BMPER: variants seen among roughly 807,000 people sequenced by gnomAD.
BMPER encodes BMP-binding endothelial regulator protein.
In BMPER, 45 loss-of-function variants were observed where a neutral mutation model predicts 87.3. The observed-to-expected ratio is 0.52, with a 90% CI of 0.41 to 0.66. The LOEUF (loss-of-function observed/expected upper bound fraction) is 0.66. Among genes scored for constraint, BMPER ranks in the 30% least tolerant of loss-of-function variants. BMPER has a pLI of 0.00. For missense variants in BMPER, 784 were observed against 867.5 expected (o/e 0.90, Z 1.21); for synonymous variants, 326 against 316.2 (o/e 1.03, Z -0.33).
At chr7:34,078,165 G>T (rs888141576) in intron 11 of BMPER, among the ~76,000 whole-genome samples, 5 of 152,164 alleles carry the variant, frequency 3.3e-5, no homozygotes, top group Non-Finnish European at 4.4e-5. Flanking sequence ...TTACTGGAAT[G>T]TCTTAACTGT....
intron 12 of BMPER, among the ~76,000 whole-genome samples, chr7:34,084,055 G>T (rs550249198): frequency 6.6e-6 from 1 of 150,732 alleles, no homozygotes; most frequent in Non-Finnish European, 1.5e-5. Flanking sequence ...TGTAATCCCA[G>T]TGTTTCGGGA....
chr7:34,031,995 A>ATATGTG (rs1554307622), intron 6 of BMPER, among the ~76,000 whole-genome samples: 3 of 140,346 alleles, frequency 2.1e-5, no homozygotes, highest in African/African-American at 8.0e-5. Context: ...ATAAATATAT[A>ATATGTG]TGTGTGTGTG....
chr7:34,110,398 C>G (rs190617223), intron 13 of BMPER, among the ~76,000 whole-genome samples: 2 of 152,118 alleles, frequency 1.3e-5, no homozygotes, highest in South Asian at 2.1e-4. Context: ...CACAGGTTAG[C>G]GTTTGCTTCC....
chr7:33,936,649 G>GA (rs1429163053), intron 2 of BMPER, among the ~76,000 whole-genome samples: 1 of 152,102 alleles, frequency 6.6e-6, no homozygotes, highest in Non-Finnish European at 1.5e-5. Context: ...AACCTTTCAG[G>GA]AAAAAACCAA....
intron 6 of BMPER, among the ~76,000 whole-genome samples, chr7:34,009,113 T>C (rs949499884): frequency 6.6e-6 from 1 of 151,894 alleles, no homozygotes; most frequent in African/African-American, 2.4e-5. Flanking sequence ...TGTGAGCTAC[T>C]GTACCCAGTA....
chr7:33,966,410 G>C, intron 3 of BMPER, 69 bp from the exon 4 acceptor site: 1 of 1,330,250 alleles, frequency 7.5e-7, no homozygotes, highest in South Asian at 1.2e-5. Context: ...AACTTATTTT[G>C]CTCCAAAAGG....
intron 9 of BMPER, among the ~76,000 whole-genome samples, chr7:34,056,557 A>C (rs1788289718): frequency 6.6e-6 from 1 of 151,946 alleles, no homozygotes; most frequent in African/African-American, 2.4e-5. Context: ...CTCTGTCTCC[A>C]GAACACCCAG....
intron 6 of BMPER, among the ~76,000 whole-genome samples, chr7:34,003,264 C>T (rs112501748): frequency 0.031 from 4,702 of 151,828 alleles, 101 homozygotes; most frequent in Non-Finnish European, 0.047. Context: ...TATTTTTTAG[C>T]GGTTGACCTG....
At chr7:34,031,783 T>C (rs980648087) in intron 6 of BMPER, among the ~76,000 whole-genome samples, 1 of 150,794 alleles carries the variant, frequency 6.6e-6, no homozygotes, top group Non-Finnish European at 1.5e-5. Flanking sequence ...AAAATAGCAT[T>C]GTTTAGAGAT....
chr7:33,938,580 C>T (rs1005009915), intron 3 of BMPER, among the ~76,000 whole-genome samples: 1 of 152,194 alleles, frequency 6.6e-6, no homozygotes, highest in Non-Finnish European at 1.5e-5. Flanking sequence ...GTAGCATGCC[C>T]TGCCGACACC....
intron 6 of BMPER, among the ~76,000 whole-genome samples, chr7:33,993,928 G>C (rs1452143510): frequency 6.6e-6 from 1 of 152,198 alleles, no homozygotes; most frequent in Non-Finnish European, 1.5e-5. Flanking sequence ...CAGTTAGGCT[G>C]CTCGGGGGTC....
intron 2 of BMPER, among the ~76,000 whole-genome samples, chr7:33,923,592 C>T (rs1784287358): frequency 6.6e-6 from 1 of 152,268 alleles, no homozygotes; most frequent in East Asian, 1.9e-4. Flanking sequence ...TAGCAACCCT[C>T]CCATCCTGGG....
At chr7:34,097,471 A>G (rs746253335) in intron 13 of BMPER, among the ~76,000 whole-genome samples, 4 of 152,220 alleles carry the variant, frequency 2.6e-5, no homozygotes, top group Admixed American at 1.3e-4. Flanking sequence ...GGTTTAGTAA[A>G]GCTCAGGACT....
At chr7:33,921,707 T>C (rs1784233898) in intron 2 of BMPER, 2 of 470,820 alleles carry the variant, frequency 4.2e-6, no homozygotes, top group South Asian at 1.5e-5. Context: ...CTCTGTTTCC[T>C]GTGGTCTTTC....
At chr7:33,964,143 A>G (rs1259308904) in intron 3 of BMPER, among the ~76,000 whole-genome samples, 2 of 152,162 alleles carry the variant, frequency 1.3e-5, no homozygotes, top group African/African-American at 2.4e-5. Context: ...TTAAAATAAC[A>G]TGTGTATCTT....
intron 6 of BMPER, among the ~76,000 whole-genome samples, chr7:34,040,040 C>T (rs1035876489): frequency 6.6e-6 from 1 of 151,692 alleles, no homozygotes; most frequent in Non-Finnish European, 1.5e-5. Context: ...CCTCTAGGGT[C>T]GGGGAACAAT....
intron 6 of BMPER, among the ~76,000 whole-genome samples, chr7:34,038,231 G>A (rs1232821438): frequency 6.6e-6 from 1 of 152,130 alleles, no homozygotes; most frequent in African/African-American, 2.4e-5. Flanking sequence ...CTTATAAAAG[G>A]GAAGCAGGAG....
At chr7:33,909,426 T>C (rs1783899702) in intron 2 of BMPER, among the ~76,000 whole-genome samples, 1 of 152,110 alleles carries the variant, frequency 6.6e-6, no homozygotes, top group Admixed American at 6.5e-5. Flanking sequence ...TTCTTTTGAG[T>C]CTTTCAGGAG....
intron 13 of BMPER, among the ~76,000 whole-genome samples, chr7:34,087,557 G>A (rs1348219234): frequency 1.3e-5 from 2 of 152,188 alleles, no homozygotes; most frequent in African/African-American, 4.8e-5. Context: ...ACCTTGAAGA[G>A]TCGCCATCCA....
Sources: allele counts gnomAD v4.1 joint callset (sites outside exome capture counted in the v4.1 genomes callset), GRCh38; gene constraint gnomAD v4.1.1; transcripts MANE v1.5; gene names NCBI Gene and HGNC (gene_info 2026-07-23, HGNC 2026-07-21).